Variants in CTNND2 observed in about 807,000 individuals in gnomAD.
The protein encoded by CTNND2 is catenin delta 2.
In CTNND2, 22 loss-of-function variants were observed where a neutral mutation model predicts 144.4. The observed-to-expected ratio is 0.15, with a 90% CI of 0.11 to 0.22. The LOEUF (loss-of-function observed/expected upper bound fraction) is 0.22, where lower values mean the gene tolerates loss of function less well. CTNND2 is among the 10% of genes least tolerant of loss of function. The pLI is 1.00. For synonymous variants in CTNND2, 751 were observed against 695.6 expected, an observed-to-expected ratio of 1.08 and a Z score of -1.25; for missense variants, 1,353 against 1,618.8, an observed-to-expected ratio of 0.84 and a Z score of 2.82.
chr5:11,641,917 A>G (rs1375786105), intron 2 of CTNND2, among the ~76,000 whole-genome samples: 2 of 151,824 alleles, frequency 1.3e-5, no homozygotes, highest in Admixed American at 6.6e-5. Context: ...ATACAAAACA[A>G]TTTACATGTT....
At chr5:11,821,413 A>T (rs866238874) in intron 1 of CTNND2, among the ~76,000 whole-genome samples, 4 of 152,314 alleles carry the variant, frequency 2.6e-5, no homozygotes, top group Middle Eastern at 3.4e-3. Context: ...CATAGAGTAA[A>T]TTGTTACCTG....
chr5:11,254,045 G>T (rs1040878775), intron 9 of CTNND2, among the ~76,000 whole-genome samples: 5 of 152,014 alleles, frequency 3.3e-5, no homozygotes, highest in African/African-American at 1.2e-4. Flanking sequence ...ACATCAAACG[G>T]GTATTTAGAA....
chr5:11,757,334 T>C lies in CTNND2; in HGVS notation c.38-25062A>G, dbSNP rs532338348. On this transcript the variant is annotated intron_variant, in intron 1 of 21. Coordinates refer to ENST00000304623, the MANE Select transcript of CTNND2 (RefSeq NM_001332.4). ...ATCTGTACGCAGCTATCCCACTGTA[T>C]TGATGTATCATTTTTAGTTCTCTCC... Among the ~76,000 whole-genome samples, 23 of 152,006 alleles carry C rather than the reference T, an allele frequency of 1.5e-4. No individual in the cohort carries two copies. In the East Asian group the frequency reaches 3.7e-3, roughly 24 times the overall value.
At chr5:11,147,542 C>A (rs114565277) in intron 12 of CTNND2, among the ~76,000 whole-genome samples, 1 of 151,856 alleles carries the variant, frequency 6.6e-6, no homozygotes. Context: ...ACAGCTGAGA[C>A]GGGCTGATAC....
chr5:11,341,669 A>C (rs1032151898), intron 9 of CTNND2, among the ~76,000 whole-genome samples: 7 of 152,206 alleles, frequency 4.6e-5, no homozygotes, highest in African/African-American at 1.7e-4. Context: ...AATACTGTTT[A>C]AACTTTAATA....
intron 2 of CTNND2, among the ~76,000 whole-genome samples, chr5:11,690,258 T>C (rs1416425644): frequency 6.6e-6 from 1 of 152,070 alleles, no homozygotes; most frequent in Non-Finnish European, 1.5e-5. Flanking sequence ...TTGACAAATA[T>C]TTAAACAGCA....
At chr5:11,727,676 T>C (rs759237606) in intron 2 of CTNND2, among the ~76,000 whole-genome samples, 1 of 152,224 alleles carries the variant, frequency 6.6e-6, no homozygotes, top group Non-Finnish European at 1.5e-5. Flanking sequence ...GAATATAAAC[T>C]TCACTGGTCT....
At chr5:11,448,869 T>G (rs959027565) in intron 3 of CTNND2, among the ~76,000 whole-genome samples, 19 of 152,082 alleles carry the variant, frequency 1.2e-4, no homozygotes, top group African/African-American at 4.6e-4. Flanking sequence ...CTAGTTTGTT[T>G]GTTTGTTTGT....
At chr5:11,709,689 T>C (rs1303126444) in intron 2 of CTNND2, among the ~76,000 whole-genome samples, 2 of 152,110 alleles carry the variant, frequency 1.3e-5, no homozygotes, top group Admixed American at 6.5e-5. Context: ...TAAGAAACGG[T>C]AGACAAAGTA....
intron 9 of CTNND2, among the ~76,000 whole-genome samples, chr5:11,331,783 G>A (rs1234548110): frequency 1.3e-5 from 2 of 152,146 alleles, no homozygotes; most frequent in African/African-American, 4.8e-5. Flanking sequence ...TAGTGGGGAG[G>A]AGGGATGGGC....
intron 3 of CTNND2, among the ~76,000 whole-genome samples, chr5:11,547,268 A>AAAATAAATAAAT (rs140923100): frequency 2.4e-4 from 35 of 143,160 alleles, no homozygotes; most frequent in African/African-American, 4.7e-4. Flanking sequence ...ATTCCATCTC[A>AAAATAAATAAAT]AAATAAATAA....
At chr5:11,346,264 C>A in intron 9 of CTNND2, 108 bp downstream of exon 9, 1 of 1,127,530 alleles carries the variant, frequency 8.9e-7, no homozygotes, top group Admixed American at 3.1e-5. Flanking sequence ...GAAAAGCCAA[C>A]CCTTTAATAG....
At chr5:11,495,950 T>C (rs1288633609) in intron 3 of CTNND2, among the ~76,000 whole-genome samples, 1 of 152,180 alleles carries the variant, frequency 6.6e-6, no homozygotes, top group Non-Finnish European at 1.5e-5. Flanking sequence ...CCTGTGTATC[T>C]GGCAGTACCT....
chr5:11,326,536 T>C (rs572157531), intron 9 of CTNND2, among the ~76,000 whole-genome samples: 1 of 152,162 alleles, frequency 6.6e-6, no homozygotes, highest in African/African-American at 2.4e-5. Context: ...AAGGGTACAA[T>C]TCCTATCTCT....
At chr5:11,153,933 G>T (rs1417522713) in intron 12 of CTNND2, among the ~76,000 whole-genome samples, 2 of 152,158 alleles carry the variant, frequency 1.3e-5, no homozygotes, top group Admixed American at 1.3e-4. Flanking sequence ...GATCACAGTT[G>T]TTTTATTGAG....
intron 3 of CTNND2, among the ~76,000 whole-genome samples, chr5:11,443,963 C>A (rs11948535): frequency 2.6e-5 from 4 of 152,056 alleles, no homozygotes; most frequent in African/African-American, 9.7e-5. Context: ...TGCTTAACAA[C>A]GGCACAATTT....
intron 3 of CTNND2, among the ~76,000 whole-genome samples, chr5:11,537,322 A>G (rs1260589154): frequency 6.6e-6 from 1 of 152,222 alleles, no homozygotes; most frequent in Non-Finnish European, 1.5e-5. Context: ...GGGCATTCTG[A>G]AACAAAATCC....
intron 2 of CTNND2, among the ~76,000 whole-genome samples, chr5:11,726,423 A>C (rs1162780032): frequency 6.6e-6 from 1 of 152,186 alleles, no homozygotes; most frequent in Non-Finnish European, 1.5e-5. Context: ...AAAAGTCTGG[A>C]AGGAAATCTC....
intron 10 of CTNND2, among the ~76,000 whole-genome samples, chr5:11,228,464 T>G (rs1264680728): frequency 1.3e-5 from 2 of 151,458 alleles, no homozygotes; most frequent in Non-Finnish European, 2.9e-5. Context: ...CCTGTTTACT[T>G]ATTTTCTGTC....
Sources: gnomAD v4.1 joint callset for allele counts (sites outside exome capture counted in the v4.1 genomes callset) on GRCh38, gnomAD v4.1.1 for gene constraint, MANE v1.5 for transcripts, NCBI Gene and HGNC (gene_info 2026-07-23, HGNC 2026-07-21) for gene names.